LSS: variants seen among roughly 807,000 people sequenced by gnomAD.
The protein encoded by LSS is 2,3-epoxysqualene-lanosterol cyclase.
LSS carries 90 observed loss-of-function variants against 110.3 expected under a neutral mutation model. The observed-to-expected ratio is 0.82, with a 90% confidence interval of 0.69 to 0.97. The LOEUF (loss-of-function observed/expected upper bound fraction) is 0.97, where lower values mean the gene tolerates loss of function less well. Among genes scored for constraint, LSS ranks in the 50% least tolerant of loss-of-function variants. The pLI is 0.00. For synonymous variants in LSS, 433 were observed against 400.0 expected (o/e 1.08, Z -0.98); for missense variants, 927 against 990.0 (o/e 0.94, Z 0.85).
chr21:46,227,718 G>C, intron 2 of LSS, 28 bp from the exon 3 acceptor site: 1 of 1,594,032 alleles, frequency 6.3e-7, no homozygotes, highest in South Asian at 1.1e-5. Flanking sequence ...AAAAAAAAAA[G>C]AGATAGCTGA....
rs1404689274 is a variant in LSS, at chr21:46,216,725, C to A, written c.648-201G>T. Reference sequence around the variant, plus strand: ...AGGTGCACCCTCTGAGGAGCTGCACCTCCTAGTTCGGTCAGCATTTTGCAT... The same window carrying A: ...AGGTGCACCCTCTGAGGAGCTGCACATCCTAGTTCGGTCAGCATTTTGCAT... On this transcript the variant is annotated intron_variant, in intron 6 of 21. Transcript: ENST00000397728. The surrounding 1 kb of genome is among the most constrained non-coding windows in gnomAD (Gnocchi z 4.2). 6.6e-6 allele frequency among the ~76,000 whole-genome samples: 1 copy of A among 152,180 alleles called. No individual in the cohort carries two copies. The highest frequency in any genetic ancestry group is 1.5e-5 in the Non-Finnish European group (1 of 68,034).
At chr21:46,219,598 G>A (rs778679179) in intron 5 of LSS, 26 bp from the exon 6 acceptor site, 20 of 1,435,976 alleles carry the variant, frequency 1.4e-5, no homozygotes, top group Middle Eastern at 1.8e-4. Flanking sequence ...ATAGGCCCAC[G>A]TCATCTGCTT....
intron 20 of LSS, chr21:46,192,775 C>T (rs1420695096): frequency 2.3e-6 from 1 of 443,972 alleles, no homozygotes; most frequent in Non-Finnish European, 4.5e-6. Context: ...GGTGCCTGTG[C>T]ATGTGTACAT....
At chr21:46,193,693 T>C (rs2079863549) in intron 20 of LSS, 1 of 451,598 alleles carries the variant, frequency 2.2e-6, no homozygotes, top group Non-Finnish European at 4.4e-6. Flanking sequence ...TGTGGGTGTA[T>C]CTGCATGTGT....
At chr21:46,208,759 A>G (rs1197632208) in intron 13 of LSS, among the ~76,000 whole-genome samples, 1 of 152,142 alleles carries the variant, frequency 6.6e-6, no homozygotes, top group Non-Finnish European at 1.5e-5. Flanking sequence ...CATCACCCAG[A>G]GCAAGTCCTG....
At chr21:46,195,639 A>C in intron 19 of LSS, 37 bp downstream of exon 19, 1 of 1,543,098 alleles carries the variant, frequency 6.5e-7, no homozygotes, top group Non-Finnish European at 9.0e-7. Context: ...CATTGGGTTG[A>C]GAACCCCCAC....
chr21:46,222,543 G>A, intron 4 of LSS, 87 bp downstream of exon 4: 2 of 1,201,874 alleles, frequency 1.7e-6, no homozygotes, highest in Non-Finnish European at 2.4e-6. Flanking sequence ...CCTAACCCCT[G>A]GCAGCTGCCT....
intron 12 of LSS, among the ~76,000 whole-genome samples, chr21:46,210,063 CTT>C (rs71318051): frequency 1.9e-5 from 2 of 107,588 alleles, no homozygotes. Context: ...AGTTCCAGTT[CTT>C]TTTTTTTTTT....
chr21:46,188,666 G>A lies in LSS; in HGVS notation c.*2438C>T, dbSNP rs2968. 0.58 allele frequency: 272,009 copies of A among 470,372 alleles called. 79,362 individuals are homozygous for A. Among genetic ancestry groups the A allele is most frequent in the East Asian group, 0.69 (9,924 of 14,354 alleles). The allele number at this position is 470,372 out of a possible 1,614,324, so 29.1% of individuals were successfully genotyped here. ...CAATTGTGAACAAAAAGTCCTCTTCGTGGAACAGGAAAAATACACTCCCTC... is the reference window on the plus strand; with the variant it reads ...CAATTGTGAACAAAAAGTCCTCTTCATGGAACAGGAAAAATACACTCCCTC... On this transcript the variant is annotated 3_prime_UTR_variant, in exon 22 of 22. Coordinates refer to ENST00000397728, the MANE Select transcript of LSS (RefSeq NM_002340.6).
At chr21:46,223,961 ACT>A (rs2080308094) in intron 3 of LSS, among the ~76,000 whole-genome samples, 1 of 151,594 alleles carries the variant, frequency 6.6e-6, no homozygotes, top group Admixed American at 6.6e-5. Flanking sequence ...TTTAGAGAAG[ACT>A]CTGCTCCTCC....
At chr21:46,205,705 G>T in intron 17 of LSS, 131 bp downstream of exon 17, 1 of 657,960 alleles carries the variant, frequency 1.5e-6, no homozygotes, top group South Asian at 1.9e-5. Context: ...CACAACATCC[G>T]AAGCCTCTTG....
In LSS at chr21:46,206,088, G is replaced by A. The variant is rs534573480; in HGVS notation, c.1565-147C>T. ...CTGACCAACCTCCAGAGCAAACGCC[G>A]GCTGGTCCAGGACACACACCTGTGC... is the stretch of plus-strand genomic sequence containing the variant. On this transcript the variant is annotated intron_variant, in intron 16 of 21. Coordinates refer to ENST00000397728, the MANE Select transcript of LSS (RefSeq NM_002340.6). 2.3e-5 allele frequency: 14 copies of A among 621,598 alleles called. No homozygotes were observed. The Admixed American group carries it at 2.5e-4, about 11-fold the overall frequency. 38.5% of individuals were successfully genotyped at this position (621,598 alleles called of 1,614,324 possible).
intron 17 of LSS, among the ~76,000 whole-genome samples, chr21:46,200,529 T>C (rs142902492): frequency 1.3e-5 from 2 of 151,978 alleles, no homozygotes; most frequent in Non-Finnish European, 2.9e-5. Context: ...GACAAAAATG[T>C]AGTTTCATAA....
chr21:46,219,103 A>T (rs2080242473), intron 6 of LSS, among the ~76,000 whole-genome samples: 1 of 152,162 alleles, frequency 6.6e-6, no homozygotes, highest in Admixed American at 6.5e-5. Flanking sequence ...CACATTCACC[A>T]GCAAAGGAGA....
intron 1 of LSS, 38 bp downstream of exon 1, chr21:46,228,694 C>T: frequency 6.2e-7 from 1 of 1,602,502 alleles, no homozygotes; most frequent in African/African-American, 1.3e-5. Context: ...CCTAGGACCA[C>T]CCCGCATTCG....
Position 46,207,449 on chromosome 21 carries a change from C to A in LSS, c.1446G>T (p.Arg482=), listed in dbSNP as rs1333590472. The change falls in exon 15 of 22, where the codon CGG becomes CGT. Residue 482 remains arginine, a synonymous_variant. Coordinates refer to ENST00000397728, the MANE Select transcript of LSS (RefSeq NM_002340.6). ...PHVTEHIPRE[R]LCDAVAVLLN... ...TTACCACAGCCACAGCATCGCAGAGCCGTTCTCTGGGGATGTGCTCGGTGA... is the reference window on the plus strand; with the variant it reads ...TTACCACAGCCACAGCATCGCAGAGACGTTCTCTGGGGATGTGCTCGGTGA... 1.2e-6 allele frequency: 2 copies of A among 1,612,518 alleles called. No homozygotes were observed. Among genetic ancestry groups the A allele is most frequent in the Non-Finnish European group, 8.5e-7 (1 of 1,179,640 alleles).
chr21:46,213,069 G>C lies in LSS; in HGVS notation c.1110-17C>G. The C allele has an allele frequency of 6.2e-7, 1 of 1,613,068 alleles. No individual in the cohort carries two copies. The highest frequency in any genetic ancestry group is 8.5e-7 in the Non-Finnish European group (1 of 1,179,816). The stretch of plus-strand genomic sequence containing the variant: ...AGGCCCATCCTGTGAGGAGAAAAAA[G>C]CCCAAGTCAGGTGCAAGGAGAAAGC... On this transcript the variant is annotated splice_polypyrimidine_tract_variant and intron_variant, in intron 10 of 21. Transcript: ENST00000397728.
intron 17 of LSS, among the ~76,000 whole-genome samples, chr21:46,204,622 CA>C (rs771351927): frequency 2.4e-4 from 33 of 137,994 alleles, no homozygotes; most frequent in Non-Finnish European, 2.4e-4. Context: ...GAACCCATCT[CA>C]AAAAAAAAAG....
chr21:46,196,146 A>G (rs529733600), intron 18 of LSS, 56 bp downstream of exon 18: 3 of 1,525,790 alleles, frequency 2.0e-6, no homozygotes, highest in South Asian at 1.1e-5. Flanking sequence ...AGTGTGTGAG[A>G]GCAGAAACCT....
Sources: allele counts gnomAD v4.1 joint callset (sites outside exome capture counted in the v4.1 genomes callset), GRCh38; gene constraint gnomAD v4.1.1; non-coding constraint Gnocchi (gnomAD v3.1); transcripts MANE v1.5; gene names NCBI Gene and HGNC (gene_info 2026-07-23, HGNC 2026-07-21).